The following EIF4E3 variants were observed in gnomAD, a reference collection of about 807,000 sequenced individuals.
The protein encoded by EIF4E3 is eukaryotic translation initiation factor 4E type 3.
A neutral mutation model predicts 31.7 loss-of-function variants in EIF4E3; 26 were observed. The ratio of observed to expected loss-of-function variants is 0.82; its 90% confidence interval spans 0.60 to 1.14. The LOEUF (loss-of-function observed/expected upper bound fraction) is 1.14, where lower values mean the gene tolerates loss of function less well. EIF4E3 is among the 50% of genes most tolerant of loss of function. The pLI, the probability that EIF4E3 is intolerant of heterozygous loss-of-function variation, is 0.00. For missense variants in EIF4E3, 304 were observed against 270.9 expected, an observed-to-expected ratio of 1.12 and a Z score of -0.86; for synonymous variants, 128 against 107.7, an observed-to-expected ratio of 1.19 and a Z score of -1.17.
At chr3:71,668,299 C>A in the EIF4E3 span, among the ~76,000 whole-genome samples, 1 of 152,084 alleles carries the variant, frequency 6.6e-6, no homozygotes, top group Non-Finnish European at 1.5e-5. Flanking sequence ...ACCATAAAAA[C>A]CCTAGAAGAA....
chr3:71,748,950 C>T (rs1166556715), intron 1 of EIF4E3, among the ~76,000 whole-genome samples: 1 of 152,202 alleles, frequency 6.6e-6, no homozygotes, highest in African/African-American at 2.4e-5. Context: ...TTGCCACATA[C>T]ATATTGAGAA....
downstream of EIF4E3, among the ~76,000 whole-genome samples, chr3:71,671,804 C>T (rs1049406054): frequency 6.8e-6 from 1 of 147,162 alleles, no homozygotes; most frequent in Non-Finnish European, 1.5e-5. Context: ...TATAAACCCT[C>T]CATTTTTTTT....
At position 71,699,652 on chromosome 3, in the gene EIF4E3, A is replaced by G. The variant is rs549758776; in HGVS notation, c.306T>C (p.Cys102=). The G allele has an allele frequency of 2.8e-5, 45 of 1,613,810 alleles. No individual in the cohort carries two copies. Among genetic ancestry groups the G allele is most frequent in the Admixed American group, 2.3e-4 (14 of 60,024 alleles). The change falls in exon 3 of 7, where the codon TGT becomes TGC. Residue 102 remains cysteine, a synonymous_variant. Coordinates refer to ENST00000425534, the MANE Select transcript of EIF4E3 (RefSeq NM_001134651.2). ...IPPVTSLPLR[C]SYHLMRGERR... The stretch of plus-strand genomic sequence containing the variant: ...TCTCTCCTCTCATTAAATGATAACT[A>G]CATCTCAAAGGCAGGCTAGTCACAG...
intron 1 of EIF4E3, among the ~76,000 whole-genome samples, chr3:71,721,179 T>C (rs1578371895): frequency 6.6e-6 from 1 of 152,144 alleles, no homozygotes; most frequent in Non-Finnish European, 1.5e-5. Context: ...AGCAGAGTAA[T>C]GGAGCCACCA....
At chr3:71,697,550 C>G (rs1266821794) in intron 3 of EIF4E3, among the ~76,000 whole-genome samples, 1 of 152,086 alleles carries the variant, frequency 6.6e-6, no homozygotes. Flanking sequence ...TTAACCATCC[C>G]CTGTTTATCA....
intron 6 of EIF4E3, 104 bp downstream of exon 6, chr3:71,689,906 A>G: frequency 8.7e-7 from 1 of 1,145,676 alleles, no homozygotes; most frequent in South Asian, 3.1e-5. Context: ...CTGAATTATC[A>G]AATTTCAAGT....
intron 6 of EIF4E3, among the ~76,000 whole-genome samples, chr3:71,685,014 A>G (rs1314609824): frequency 2.0e-5 from 3 of 152,182 alleles, no homozygotes; most frequent in African/African-American, 7.2e-5. Flanking sequence ...AAGCCGATGA[A>G]GAGAGTATGT....
At chr3:71,753,567 G>C (rs1015260904) in exon 1 of EIF4E3, 2 of 150,448 alleles carry the variant, frequency 1.3e-5, no homozygotes, top group South Asian at 1.9e-4. Flanking sequence ...CAGCCCAGCC[G>C]GGCCCAGGCG....
chr3:71,740,924 CAGG>C (rs1451976106), intron 1 of EIF4E3, among the ~76,000 whole-genome samples: 2 of 152,082 alleles, frequency 1.3e-5, no homozygotes, highest in African/African-American at 2.4e-5. Flanking sequence ...ATCACAACGT[CAGG>C]AGATCAAGAC....
upstream of EIF4E3, chr3:71,728,359 G>A (rs1202261837): frequency 6.6e-6 from 1 of 152,358 alleles, no homozygotes; most frequent in African/African-American, 2.4e-5. Flanking sequence ...CCCTCATCTG[G>A]GAACTGGATG....
chr3:71,706,713 G>C (rs974027212), intron 2 of EIF4E3, among the ~76,000 whole-genome samples: 1 of 152,082 alleles, frequency 6.6e-6, no homozygotes, highest in Non-Finnish European at 1.5e-5. Flanking sequence ...CCAGATACTT[G>C]GGAGGAGGCT....
chr3:71,689,938 GC>G (rs1437145153), intron 6 of EIF4E3, 71 bp downstream of exon 6: 5 of 1,338,508 alleles, frequency 3.7e-6, no homozygotes, highest in Non-Finnish European at 4.9e-6. Context: ...CACCACATTT[GC>G]AAAACAGTTT....
the EIF4E3 span, among the ~76,000 whole-genome samples, chr3:71,662,220 C>T: frequency 6.6e-6 from 1 of 152,148 alleles, no homozygotes. Context: ...CCACTTTCCA[C>T]CAATAAATTG....
At chr3:71,735,512 C>G (rs1186171063) in intron 1 of EIF4E3, among the ~76,000 whole-genome samples, 3 of 152,200 alleles carry the variant, frequency 2.0e-5, no homozygotes, top group Admixed American at 1.3e-4. Flanking sequence ...GTTGAGGAGA[C>G]TTGCTAATAG....
chr3:71,746,507 G>C (rs1342218972), intron 1 of EIF4E3, among the ~76,000 whole-genome samples: 2 of 152,128 alleles, frequency 1.3e-5, no homozygotes, highest in Non-Finnish European at 2.9e-5. Context: ...ACTTATTTCT[G>C]TGGCCAGCCT....
intron 1 of EIF4E3, among the ~76,000 whole-genome samples, chr3:71,741,623 T>A (rs1387227444): frequency 6.6e-6 from 1 of 152,168 alleles, no homozygotes; most frequent in Non-Finnish European, 1.5e-5. Context: ...TAGACAGAAA[T>A]TTAGTAAGAA....
the EIF4E3 span, among the ~76,000 whole-genome samples, chr3:71,661,023 G>A: frequency 3.3e-5 from 5 of 151,904 alleles, no homozygotes; most frequent in African/African-American, 4.8e-5. Flanking sequence ...GGATGCGAGC[G>A]TTTCATCAAC....
intron 1 of EIF4E3, among the ~76,000 whole-genome samples, chr3:71,717,199 C>A (rs148627924): frequency 7.9e-5 from 12 of 152,140 alleles, no homozygotes; most frequent in African/African-American, 2.7e-4. Flanking sequence ...CTTGTTGGAG[C>A]GGCAATCTCC....
chr3:71,696,559 T>G (rs1215051084), intron 3 of EIF4E3, 39 bp from the exon 4 acceptor site: 1 of 1,607,854 alleles, frequency 6.2e-7, no homozygotes, highest in Non-Finnish European at 8.5e-7. Flanking sequence ...CACTCAGGAC[T>G]AAGTGATTCT....
Sources: allele counts gnomAD v4.1 joint callset (sites outside exome capture counted in the v4.1 genomes callset), GRCh38; gene constraint gnomAD v4.1.1; transcripts MANE v1.5; gene names NCBI Gene and HGNC (gene_info 2026-07-23, HGNC 2026-07-21).